TAS2R1: variants seen among roughly 807,000 people sequenced by gnomAD.
TAS2R1 encodes taste receptor type 2 member 1.
For synonymous variants in TAS2R1, 141 were observed against 134.2 expected (o/e 1.05, Z -0.35); for missense variants, 370 against 353.4 (o/e 1.05, Z -0.38).
chr5:9,809,203 A>C, the TAS2R1 span, among the ~76,000 whole-genome samples: 2 of 152,174 alleles, frequency 1.3e-5, no homozygotes, highest in South Asian at 2.1e-4. Flanking sequence ...TCAGACTTTA[A>C]ATTTTAGAGC....
intron 1 of TAS2R1, among the ~76,000 whole-genome samples, chr5:9,676,339 A>G (rs1434863783): frequency 6.6e-6 from 1 of 151,734 alleles, no homozygotes; most frequent in African/African-American, 2.4e-5. Context: ...AAGCTGGAGA[A>G]CTGACTGACT....
At chr5:9,895,734 T>G in the TAS2R1 span, among the ~76,000 whole-genome samples, 1 of 152,234 alleles carries the variant, frequency 6.6e-6, no homozygotes. Context: ...CTGTCTACAA[T>G]GCTCTCAAAA....
the TAS2R1 span, among the ~76,000 whole-genome samples, chr5:9,741,631 T>C: frequency 2.6e-5 from 4 of 152,278 alleles, no homozygotes; most frequent in East Asian, 3.9e-4. Flanking sequence ...TTGGCATCCA[T>C]GGCAGAAGGG....
At chr5:9,741,165 G>T in the TAS2R1 span, among the ~76,000 whole-genome samples, 1 of 152,046 alleles carries the variant, frequency 6.6e-6, no homozygotes, top group African/African-American at 2.4e-5. Flanking sequence ...CATTGCTTAC[G>T]TGAAGTCCCG....
chr5:9,898,842 T>C, the TAS2R1 span, among the ~76,000 whole-genome samples: 34 of 152,288 alleles, frequency 2.2e-4, no homozygotes, highest in African/African-American at 6.5e-4. Flanking sequence ...CAACCCACAA[T>C]ATTCCAACGA....
At chr5:9,652,255 T>C (rs1740321326) in intron 2 of TAS2R1, among the ~76,000 whole-genome samples, 2 of 152,212 alleles carry the variant, frequency 1.3e-5, no homozygotes, top group African/African-American at 2.4e-5. Context: ...GGGACCCAAC[T>C]ACACATCGTC....
the TAS2R1 span, among the ~76,000 whole-genome samples, chr5:9,854,932 G>A: frequency 6.6e-6 from 1 of 152,108 alleles, no homozygotes; most frequent in Non-Finnish European, 1.5e-5. Context: ...TCTTCATAAT[G>A]GGTTCTGCTA....
At chr5:9,755,722 AT>A in the TAS2R1 span, among the ~76,000 whole-genome samples, 2 of 152,152 alleles carry the variant, frequency 1.3e-5, no homozygotes, top group Non-Finnish European at 2.9e-5. Flanking sequence ...CAAGGGGTGA[AT>A]TATTCATGAG....
At chr5:9,660,225 A>ATTTTTTTTTTTTT (rs35208333) in intron 1 of TAS2R1, among the ~76,000 whole-genome samples, 21 of 88,826 alleles carry the variant, frequency 2.4e-4, no homozygotes, top group Admixed American at 7.2e-4. Context: ...CTCCCGGCTA[A>ATTTTTTTTTTTTT]TTTTTTTTTT....
chr5:9,676,043 T>C (rs569589927), intron 1 of TAS2R1, among the ~76,000 whole-genome samples: 2 of 152,324 alleles, frequency 1.3e-5, no homozygotes, highest in East Asian at 3.9e-4. Flanking sequence ...TCCTAGCTTG[T>C]TGAGAGATTT....
the TAS2R1 span, among the ~76,000 whole-genome samples, chr5:9,783,280 A>G: frequency 6.6e-6 from 1 of 152,216 alleles, no homozygotes; most frequent in Non-Finnish European, 1.5e-5. Flanking sequence ...CAACGATTCT[A>G]CTTAAACTCC....
the TAS2R1 span, among the ~76,000 whole-genome samples, chr5:9,717,532 A>G: frequency 6.6e-6 from 1 of 152,200 alleles, no homozygotes; most frequent in East Asian, 1.9e-4. Context: ...ATATCTAGGA[A>G]CACATCAAAA....
chr5:9,854,071 A>G, the TAS2R1 span, among the ~76,000 whole-genome samples: 1 of 152,204 alleles, frequency 6.6e-6, no homozygotes. Flanking sequence ...CAAGAAGTCT[A>G]AGATCCAGCT....
rs990748423 is a variant in TAS2R1, at chr5:9,628,062, C to T, written c.*1071G>A. Among the ~76,000 whole-genome samples the T allele has an allele frequency of 4.6e-5, 7 of 152,090 alleles. No homozygotes were observed. The highest frequency in any genetic ancestry group is 8.8e-5 in the Non-Finnish European group (6 of 68,014). On this transcript the variant is annotated 3_prime_UTR_variant, in exon 1 of 1. Transcript: ENST00000382492. ...TTAAGAACATTTTTTACTTCATTTA[C>T]TTGTCTGGAAGCAAAATGGTTCTGA...
chr5:9,708,773 C>T (rs909571572), intron 1 of TAS2R1, among the ~76,000 whole-genome samples: 2 of 152,114 alleles, frequency 1.3e-5, no homozygotes, highest in Non-Finnish European at 2.9e-5. Context: ...GAATGCCCAA[C>T]CTGTGCTGAC....
At chr5:9,641,018 A>G (rs942112135) in intron 2 of TAS2R1, among the ~76,000 whole-genome samples, 1 of 152,146 alleles carries the variant, frequency 6.6e-6, no homozygotes, top group Admixed American at 6.5e-5. Flanking sequence ...GCCTTCAGCA[A>G]GGTCCTGGCA....
At chr5:9,733,717 C>T in the TAS2R1 span, among the ~76,000 whole-genome samples, 2 of 152,030 alleles carry the variant, frequency 1.3e-5, no homozygotes, top group East Asian at 1.9e-4. Flanking sequence ...ATTTGTTATG[C>T]GTGAGAAAAT....
At chr5:9,669,114 T>C (rs1740701277) in intron 1 of TAS2R1, among the ~76,000 whole-genome samples, 1 of 152,100 alleles carries the variant, frequency 6.6e-6, no homozygotes, top group Admixed American at 6.6e-5. Flanking sequence ...GAGTTGCTAT[T>C]CTAATTTCAG....
At chr5:9,830,652 C>A in the TAS2R1 span, among the ~76,000 whole-genome samples, 1 of 151,238 alleles carries the variant, frequency 6.6e-6, no homozygotes, top group Non-Finnish European at 1.5e-5. Context: ...AGAGACAAAA[C>A]AGACATACAG....
Sources: gnomAD v4.1 joint callset for allele counts (sites outside exome capture counted in the v4.1 genomes callset) on GRCh38, gnomAD v4.1.1 for gene constraint, MANE v1.5 for transcripts, NCBI Gene and HGNC (gene_info 2026-07-23, HGNC 2026-07-21) for gene names.